NUP42: variants seen among roughly 807,000 people sequenced by gnomAD.
NUP42 encodes nucleoporin NUP42.
A neutral mutation model predicts 35.9 loss-of-function variants in NUP42; 47 were observed. That is an observed-to-expected ratio of 1.31 (90% CI 1.04 to 1.67). NUP42 has a LOEUF of 1.67. Ranked by LOEUF, NUP42 falls within the 40% of genes most tolerant of loss-of-function variation. The pLI, the probability that NUP42 is intolerant of heterozygous loss-of-function variation, is 0.00. For synonymous variants in NUP42, 173 were observed against 173.3 expected (o/e 1.00, Z 0.01); for missense variants, 514 against 492.2 (o/e 1.04, Z -0.42).
chr7:23,200,609 T>G lies in NUP42; in HGVS notation c.1136T>G (p.Ile379Ser), dbSNP rs767360407. The G allele has an allele frequency of 5.6e-6, 9 of 1,614,066 alleles. No individual in the cohort carries two copies. The East Asian group carries it at 2.0e-4, about 36-fold the overall frequency. ...ISTSLSASSS[I>S]IATDNVLFTP... ...ACTTCTCTGTCAGCCTCAAGCAGCA[T>G]CATTGCAACAGATAATGTGTTATTC... The change falls in exon 7 of 7, where the codon ATC becomes AGC. Residue 379 changes from isoleucine (I) to serine (S), a missense_variant. Coordinates refer to ENST00000258742, the MANE Select transcript of NUP42 (RefSeq NM_007342.3).
chr7:23,194,249 G>A (rs1352011489), intron 3 of NUP42, among the ~76,000 whole-genome samples: 2 of 152,256 alleles, frequency 1.3e-5, no homozygotes, highest in African/African-American at 4.8e-5. Context: ...TACCCAGAGC[G>A]AGTGAGGAAT....
rs183147970 is a variant in NUP42 at position 23,184,817 on chromosome 7, G to A, written c.122-253G>A. Among the ~76,000 whole-genome samples the A allele has an allele frequency of 5.9e-5, 9 of 152,128 alleles. No homozygotes were observed. In the East Asian group the frequency reaches 1.7e-3, roughly 29 times the overall value. On this transcript the variant is annotated intron_variant, in intron 1 of 6. Transcript: ENST00000258742. ...CCCAGGAGTTTGAGACCAACCCCGG[G>A]CAATATGGCAAGACCTTATCTCTAC...
In NUP42 at chr7:23,193,930, G is replaced by A. The variant is rs549272760; in HGVS notation, c.446-1909G>A. 8.2e-4 allele frequency among the ~76,000 whole-genome samples: 125 copies of A among 152,340 alleles called. 1 individual carries two copies. In the South Asian group the frequency reaches 0.025, roughly 30 times the overall value. On this transcript the variant is annotated intron_variant, in intron 3 of 6. Transcript: ENST00000258742. ...AAATCCAGCGCAGCGCCGGTGGGCC[G>A]GCACTGCTGAGGACCCAGCACACCC... is the stretch of plus-strand genomic sequence containing the variant.
At chr7:23,184,921 G>A (rs1046440345) in intron 1 of NUP42, 149 bp from the exon 2 acceptor site, 1 of 619,476 alleles carries the variant, frequency 1.6e-6, no homozygotes, top group Non-Finnish European at 2.7e-6. Context: ...TGGGAGGATC[G>A]ATTGAGCTTA....
chr7:23,188,542 T>C, intron 3 of NUP42: 1 of 985,120 alleles, frequency 1.0e-6, no homozygotes, highest in Non-Finnish European at 1.2e-6. Context: ...TGTGGATTCC[T>C]GAATATAGTT....
At chr7:23,186,408 C>T (rs1785598096) in intron 2 of NUP42, among the ~76,000 whole-genome samples, 1 of 152,076 alleles carries the variant, frequency 6.6e-6, no homozygotes, top group South Asian at 2.1e-4. Flanking sequence ...TGTGATAATT[C>T]TCCTTTTATT....
chr7:23,195,632 C>T, intron 3 of NUP42: 2 of 413,008 alleles, frequency 4.8e-6, no homozygotes, highest in South Asian at 4.5e-5. Context: ...AAAATCTTCC[C>T]CATTTAAAGA....
intron 3 of NUP42, among the ~76,000 whole-genome samples, chr7:23,190,451 CT>C (rs1480299076): frequency 7.2e-5 from 11 of 152,080 alleles, no homozygotes; most frequent in Admixed American, 5.9e-4. Context: ...TGTTTTCTTA[CT>C]TTTAAATGAA....
intron 2 of NUP42, among the ~76,000 whole-genome samples, chr7:23,186,442 C>CT (rs1272780967): frequency 1.3e-5 from 2 of 152,046 alleles, no homozygotes; most frequent in Non-Finnish European, 2.9e-5. Flanking sequence ...TAGGGAGAAA[C>CT]TTTAATTTAG....
intron 2 of NUP42, 77 bp downstream of exon 2, chr7:23,185,375 T>A (rs758116572): frequency 5.6e-5 from 53 of 952,784 alleles, no homozygotes; most frequent in Non-Finnish European, 7.7e-5. Context: ...GTTTCTCTTT[T>A]TTTGTAACAT....
intron 5 of NUP42, chr7:23,197,220 T>A (rs1469876248): frequency 1.3e-5 from 17 of 1,301,236 alleles, no homozygotes; most frequent in Middle Eastern, 4.2e-4. Context: ...AGATCTATGG[T>A]CCCGACTGTG....
In NUP42 at chr7:23,185,305, G is replaced by C. The variant is rs752891954; in HGVS notation, c.350+7G>C. On this transcript the variant is annotated splice_region_variant and intron_variant, in intron 2 of 6. Transcript: ENST00000258742. ...AAGATGAAAAGAAACTTCTGTAAGT[G>C]AAAGTTTTCAGGAAAATTACTATCC... 6.3e-7 allele frequency: 1 copy of C among 1,588,884 alleles called. No individual in the cohort carries two copies. The highest frequency in any genetic ancestry group is 1.3e-5 in the African/African-American group (1 of 74,094).
chr7:23,199,581 A>C (rs371751501), intron 6 of NUP42, 39 bp downstream of exon 6: 3 of 1,530,812 alleles, frequency 2.0e-6, no homozygotes, highest in Non-Finnish European at 2.7e-6. Flanking sequence ...CTGATTTAGA[A>C]AAATTAGATT....
At chr7:23,193,264 C>T (rs929080599) in intron 3 of NUP42, among the ~76,000 whole-genome samples, 4 of 152,152 alleles carry the variant, frequency 2.6e-5, no homozygotes, top group Admixed American at 2.0e-4. Context: ...AGGAGCTGAG[C>T]GGGTTGCCAC....
rs771410154 is a variant in NUP42, at chr7:23,200,461, G to A, written c.988G>A (p.Ala330Thr). 71 of 1,614,220 alleles carry A rather than the reference G, an allele frequency of 4.4e-5. No homozygotes were observed. Among genetic ancestry groups the A allele is most frequent in the Non-Finnish European group, 5.9e-5 (70 of 1,180,048 alleles). The change falls in exon 7 of 7, where the codon GCT (alanine) becomes ACT (threonine). Residue 330 changes from alanine (A) to threonine (T), a missense_variant. Physicochemically the swap from Ala to Thr is moderately conservative, Grantham distance 58. Transcript: ENST00000258742. Reference sequence around the variant, plus strand: ...TTCCTTGGCAACAGGTCCTGTCAGAGCTCCAGTGGCCCCAGCCTTTGGAGG... The same window carrying A: ...TTCCTTGGCAACAGGTCCTGTCAGAACTCCAGTGGCCCCAGCCTTTGGAGG... Reference protein sequence around the residue: ...PASLATGPVRAPVAPAFGGGS... With the variant: ...PASLATGPVRTPVAPAFGGGS...
In NUP42 at chr7:23,200,412, A is replaced by C. The variant is rs751473213; in HGVS notation, c.939A>C (p.Ser313=). 1 of 1,614,152 alleles carries C rather than the reference A, an allele frequency of 6.2e-7. No homozygotes were observed. Among genetic ancestry groups the C allele is most frequent in the Non-Finnish European group, 8.5e-7 (1 of 1,180,026 alleles). The change falls in exon 7 of 7, where the codon TCA becomes TCC. Residue 313 remains serine (S), a synonymous_variant. Coordinates refer to ENST00000258742, the MANE Select transcript of NUP42 (RefSeq NM_007342.3). ...FKSPAASSFG[S]PGFSGLPASL... The stretch of plus-strand genomic sequence containing the variant: ...GCCCTGCAGCTTCCAGTTTTGGATC[A>C]CCTGGATTTTCAGGACTTCCAGCTT...
chr7:23,195,846 A>T lies in NUP42; in HGVS notation c.453A>T (p.Thr151=). 1 of 1,597,354 alleles carries T rather than the reference A, an allele frequency of 6.3e-7. No homozygotes were observed. The highest frequency in any genetic ancestry group is 8.5e-7 in the Non-Finnish European group (1 of 1,170,820). ...ATTGATTCCTCACTTCAGGTTTTACAGACATTTCACCAGAGGAATTGAGGC... is the reference window on the plus strand; with the variant it reads ...ATTGATTCCTCACTTCAGGTTTTACTGACATTTCACCAGAGGAATTGAGGC... The part of the protein sequence containing the change: ...VKKKPNISGF[T]DISPEELRLE... The change falls in exon 4 of 7, where the codon ACA becomes ACT. Residue 151 remains threonine, a synonymous_variant. Coordinates refer to ENST00000258742, the MANE Select transcript of NUP42 (RefSeq NM_007342.3).
At chr7:23,190,020 T>C (rs544046253) in intron 3 of NUP42, among the ~76,000 whole-genome samples, 145 of 152,320 alleles carry the variant, frequency 9.5e-4, no homozygotes, top group Non-Finnish European at 1.6e-3. Context: ...ATATGTGATA[T>C]TACAAAATTA....
Position 23,200,213 on chromosome 7 carries a change from GT to G in NUP42, c.744del (p.Phe248LeufsTer146). 6.2e-7 allele frequency: 1 copy of G among 1,603,550 alleles called. No homozygotes were observed. Among genetic ancestry groups the G allele is most frequent in the Non-Finnish European group, 8.5e-7 (1 of 1,173,636 alleles). On this transcript the variant is annotated frameshift_variant, in exon 7 of 7. Coordinates refer to ENST00000258742, the MANE Select transcript of NUP42 (RefSeq NM_007342.3). LOFTEE classifies it low-confidence loss of function (END_TRUNC). ...NSSSDNAQNF[S>X]FKTNSGFAAA... ...AGCAGTGATAATGCTCAGAACTTTA[GT>G]TTTAAAACAAACTCTGGATTTGCTG...
Sources: gnomAD v4.1 joint callset for allele counts (sites outside exome capture counted in the v4.1 genomes callset) on GRCh38, gnomAD v4.1.1 for gene constraint, MANE v1.5 for transcripts, NCBI Gene and HGNC (gene_info 2026-07-23, HGNC 2026-07-21) for gene names.